Variants in MICAL2 observed in about 807,000 individuals in gnomAD.
MICAL2 encodes the protein microtubule associated monooxygenase, calponin and LIM domain containing 2.
MICAL2 carries 77 observed loss-of-function variants against 127.3 expected under a neutral mutation model. The ratio of observed to expected loss-of-function variants is 0.60; its 90% CI spans 0.50 to 0.73. MICAL2 has a LOEUF of 0.73. Ranked by LOEUF, MICAL2 falls within the 30% of genes least tolerant of loss-of-function variation. The pLI is 0.00. For missense variants in MICAL2, 1,351 were observed against 1,434.4 expected (o/e 0.94, Z 0.94); for synonymous variants, 570 against 551.1 (o/e 1.03, Z -0.48).
chr11:12,293,646 A>C, downstream of MICAL2: 1 of 1,614,128 alleles, frequency 6.2e-7, no homozygotes, highest in South Asian at 1.1e-5. Flanking sequence ...GCCGTAGCCC[A>C]AGGAGCACCC....
intron 34 of MICAL2, among the ~76,000 whole-genome samples, chr11:12,357,207 T>C (rs1279073592): frequency 6.6e-6 from 1 of 152,174 alleles, no homozygotes; most frequent in African/African-American, 2.4e-5. Flanking sequence ...CCCCACCCAG[T>C]CCTCCGTGTG....
chr11:12,145,316 C>T (rs1485959), intron 2 of MICAL2, among the ~76,000 whole-genome samples: 1 of 151,968 alleles, frequency 6.6e-6, no homozygotes, highest in Non-Finnish European at 1.5e-5. Flanking sequence ...TTGGCATAAA[C>T]GAAGTTACCC....
At chr11:12,146,500 A>T (rs1852919905) in intron 2 of MICAL2, among the ~76,000 whole-genome samples, 1 of 152,258 alleles carries the variant, frequency 6.6e-6, no homozygotes, top group Non-Finnish European at 1.5e-5. Flanking sequence ...TGGAAATCAA[A>T]GCCACAGTGA....
intron 2 of MICAL2, among the ~76,000 whole-genome samples, chr11:12,147,077 G>A (rs1386258202): frequency 6.6e-6 from 1 of 152,056 alleles, no homozygotes; most frequent in African/African-American, 2.4e-5. Context: ...GGGGGAGCAG[G>A]GAAGGATAGC....
At chr11:12,218,603 G>A (rs916736123) in intron 8 of MICAL2, among the ~76,000 whole-genome samples, 15 of 152,270 alleles carry the variant, frequency 9.9e-5, no homozygotes, top group Non-Finnish European at 1.5e-4. Flanking sequence ...CCACGCCTTC[G>A]GAGAGAGAAG....
At chr11:12,276,072 T>TCC (rs1455561084), upstream of MICAL2, 1 of 399,058 alleles carries the variant, frequency 2.5e-6, no homozygotes, top group African/African-American at 2.1e-5. Flanking sequence ...TCCCCTGCCC[T>TCC]CCGAGTGGAC....
At chr11:12,267,309 T>G (rs565180502), downstream of MICAL2, among the ~76,000 whole-genome samples, 6 of 152,320 alleles carry the variant, frequency 3.9e-5, no homozygotes, top group Admixed American at 1.3e-4. Context: ...CTCCAACTGC[T>G]GATTTTCCCC....
downstream of MICAL2, among the ~76,000 whole-genome samples, chr11:12,288,005 T>TGCAAGGAA (rs145023742): frequency 0.014 from 2,081 of 152,298 alleles, 21 homozygotes; most frequent in Non-Finnish European, 0.02. Context: ...CAGTTGGAAC[T>TGCAAGGAA]GAGCCCTGGT....
chr11:12,240,938 C>G (rs901884688), intron 17 of MICAL2, 102 bp from the exon 18 acceptor site: 1 of 1,462,354 alleles, frequency 6.8e-7, no homozygotes, highest in Non-Finnish European at 9.3e-7. Flanking sequence ...ACCTTCGTCT[C>G]CCTGCTCCTC....
At chr11:12,343,049 G>GT (rs1938894775) in intron 32 of MICAL2, among the ~76,000 whole-genome samples, 1 of 152,092 alleles carries the variant, frequency 6.6e-6, no homozygotes, top group Non-Finnish European at 1.5e-5. Flanking sequence ...AGATTCCCTG[G>GT]AAACCTGCAC....
intron 22 of MICAL2, chr11:12,250,009 T>C (rs1861329051): frequency 6.6e-6 from 1 of 152,286 alleles, no homozygotes; most frequent in South Asian, 2.1e-4. Context: ...ACCATCATTC[T>C]GCGTGGGGTC....
chr11:12,357,379 C>T (rs1185691187), intron 34 of MICAL2, among the ~76,000 whole-genome samples: 2 of 152,198 alleles, frequency 1.3e-5, no homozygotes, highest in African/African-American at 4.8e-5. Context: ...CTATCTCCCC[C>T]AGGCAACCAA....
At chr11:12,261,350 G>A (rs1232311190) in intron 26 of MICAL2, 1 of 985,424 alleles carries the variant, frequency 1.0e-6, no homozygotes, top group Non-Finnish European at 1.2e-6. Flanking sequence ...GGGAGTGGAA[G>A]CTATTTATGG....
chr11:12,155,494 AC>A (rs1320255192), intron 2 of MICAL2, among the ~76,000 whole-genome samples: 1 of 152,120 alleles, frequency 6.6e-6, no homozygotes, highest in Non-Finnish European at 1.5e-5. Flanking sequence ...CTGCAAACAT[AC>A]ACACGTACAC....
intron 2 of MICAL2, among the ~76,000 whole-genome samples, chr11:12,140,498 CTTTT>C (rs61115916): frequency 1.5e-5 from 2 of 132,528 alleles, no homozygotes. Context: ...AACTTTGGCT[CTTTT>C]TTTTTTTTTT....
chr11:12,284,909 C>T (rs907391544), intron 2 of MICAL2, among the ~76,000 whole-genome samples: 1 of 152,164 alleles, frequency 6.6e-6, no homozygotes, highest in Non-Finnish European at 1.5e-5. Context: ...TGTAACCACC[C>T]GAAGGGTTCT....
At chr11:12,286,819 G>A (rs991280989) in intron 2 of MICAL2, 1 of 266,972 alleles carries the variant, frequency 3.7e-6, no homozygotes, top group African/African-American at 2.2e-5. Context: ...AGGGGGCAGT[G>A]AGCCATGACC....
At chr11:12,314,541 C>T (rs931289556) in intron 29 of MICAL2, among the ~76,000 whole-genome samples, 24 of 151,950 alleles carry the variant, frequency 1.6e-4, no homozygotes, top group East Asian at 3.9e-4. Context: ...TGCAGTGGCG[C>T]GATCTCGGCT....
chr11:12,295,162 C>T (rs996574640), downstream of MICAL2, among the ~76,000 whole-genome samples: 47 of 146,140 alleles, frequency 3.2e-4, no homozygotes, highest in African/African-American at 1.2e-3. Flanking sequence ...TTTTTTGAGA[C>T]AGAGTCTCAC....
Sources: allele counts gnomAD v4.1 joint callset (sites outside exome capture counted in the v4.1 genomes callset), GRCh38; gene constraint gnomAD v4.1.1; transcripts MANE v1.5; gene names NCBI Gene and HGNC (gene_info 2026-07-23, HGNC 2026-07-21).